The following SPATA7 variants were observed in gnomAD, a reference collection of about 807,000 sequenced individuals.
SPATA7 encodes the protein spermatogenesis-associated protein 7.
A neutral mutation model predicts 51.8 loss-of-function variants in SPATA7; 43 were observed. The observed-to-expected ratio is 0.83, with a 90% CI of 0.65 to 1.07. SPATA7 has a LOEUF of 1.07. Ranked by LOEUF, SPATA7 falls within the 50% of genes least tolerant of loss-of-function variation. SPATA7 has a pLI of 0.00. For synonymous variants in SPATA7, 230 were observed against 252.8 expected (o/e 0.91, Z 0.86); for missense variants, 683 against 701.3 (o/e 0.97, Z 0.30).
intron 3 of SPATA7, among the ~76,000 whole-genome samples, chr14:88,445,881 G>A (rs993034640): frequency 1.1e-4 from 17 of 152,118 alleles, no homozygotes; most frequent in South Asian, 4.2e-4. Context: ...TGCTGGATTC[G>A]GTTTGCCAGT....
At chr14:88,387,991 AG>A (rs1183991993) in intron 1 of SPATA7, among the ~76,000 whole-genome samples, 1 of 152,166 alleles carries the variant, frequency 6.6e-6, no homozygotes, top group East Asian at 1.9e-4. Context: ...ACTTGAGGTC[AG>A]GAGTTTGAGA....
In SPATA7 at chr14:88,385,756, C is replaced by T. The variant is rs1338608083; in HGVS notation, c.-63C>T. ...AGTCCTCCACTGCCGGGGCTGGGCCCGGCCGCGGGAAGGACCGAAGGGGAT... is the reference window on the plus strand; with the variant it reads ...AGTCCTCCACTGCCGGGGCTGGGCCTGGCCGCGGGAAGGACCGAAGGGGAT... On this transcript the variant is annotated 5_prime_UTR_variant, in exon 1 of 12. Transcript: ENST00000393545. 6.5e-7 allele frequency: 1 copy of T among 1,531,708 alleles called. No homozygotes were observed. Among genetic ancestry groups the T allele is most frequent in the Non-Finnish European group, 8.9e-7 (1 of 1,118,464 alleles). 94.9% of individuals were successfully genotyped at this position (1,531,708 alleles called of 1,614,324 possible). A position where few individuals can be genotyped will look rare whatever the true frequency, so the allele number is the denominator to read the frequency against.
chr14:88,466,449 T>C (rs1208861344), intron 4 of SPATA7: 3 of 152,126 alleles, frequency 2.0e-5, no homozygotes. Flanking sequence ...AACATACATG[T>C]AGTGCTCAAG....
intron 10 of SPATA7, among the ~76,000 whole-genome samples, chr14:88,433,920 C>G (rs896309325): frequency 6.6e-6 from 1 of 152,026 alleles, no homozygotes; most frequent in Non-Finnish European, 1.5e-5. Context: ...AAAGGCATAT[C>G]AAAAAGACCT....
At position 88,393,586 on chromosome 14, in the gene SPATA7, A is replaced by G. The variant is rs577949685; in HGVS notation, c.190+98A>G. 160 of 890,690 alleles carry G rather than the reference A, an allele frequency of 1.8e-4. No homozygotes were observed. The African/African-American group carries it at 2.5e-3, about 14-fold the overall frequency. The allele number at this position is 890,690 out of a possible 1,614,324, so 55.2% of individuals were successfully genotyped here. On this transcript the variant is annotated intron_variant, in intron 3 of 11. Transcript: ENST00000393545. ...TATAGCAAAAATGAATACCTTATAT[A>G]TATGAGAGGATTTGTATTTGTTTGG... is the stretch of plus-strand genomic sequence containing the variant.
At chr14:88,447,979 C>T (rs2077226044) in intron 3 of SPATA7, among the ~76,000 whole-genome samples, 1 of 151,282 alleles carries the variant, frequency 6.6e-6, no homozygotes, top group Non-Finnish European at 1.5e-5. Flanking sequence ...TTGCTCTTCT[C>T]GAGGAGTATC....
chr14:88,468,235 G>A (rs138228087), intron 4 of SPATA7: 1 of 1,610,212 alleles, frequency 6.2e-7, no homozygotes, highest in Non-Finnish European at 8.5e-7. Context: ...TGTTGCCTCA[G>A]CATGTCCAGC....
At position 88,469,889 on chromosome 14, in the gene SPATA7, T is replaced by C. The variant is rs886282979; in HGVS notation, c.*22T>C. Reference sequence around the variant, plus strand: ...TTAACATTAACTGTTCTTCAGAGGCTGAGAAAATCACTTAAGAGAAATAAG... The same window carrying C: ...TTAACATTAACTGTTCTTCAGAGGCCGAGAAAATCACTTAAGAGAAATAAG... On this transcript the variant is annotated 3_prime_UTR_variant, in exon 5 of 5. Transcript: ENST00000556406. This position sits in a 1 kb window ranked among gnomAD's most constrained non-coding sequence, Gnocchi z 4.3. The C allele has an allele frequency of 8.1e-6, 13 of 1,613,026 alleles. No homozygotes were observed. The highest frequency in any genetic ancestry group is 1.1e-5 in the Non-Finnish European group (13 of 1,179,272).
chr14:88,470,049 A>C, exon 5 of SPATA7: 1 of 1,612,502 alleles, frequency 6.2e-7, no homozygotes, highest in Non-Finnish European at 8.5e-7. Flanking sequence ...ACTGACAGAG[A>C]CCTGGGATTA....
At chr14:88,438,474 C>T (rs771068949), downstream of SPATA7, 2 of 1,367,402 alleles carry the variant, frequency 1.5e-6, no homozygotes, top group African/African-American at 2.9e-5. Context: ...TACTTTTCTT[C>T]CTTTTTTAAA....
chr14:88,462,819 A>T (rs944350633), intron 4 of SPATA7, among the ~76,000 whole-genome samples: 6 of 152,234 alleles, frequency 3.9e-5, no homozygotes, highest in Non-Finnish European at 7.3e-5. Flanking sequence ...TTGGAACAGT[A>T]CGCAAGCCAT....
chr14:88,446,842 T>G lies in SPATA7; in HGVS notation c.178-8218T>G, dbSNP rs892073462. Among the ~76,000 whole-genome samples the G allele has an allele frequency of 1.3e-3, 203 of 152,118 alleles. 1 individual carries two copies. The highest frequency in any genetic ancestry group is 4.6e-3 in the African/African-American group (192 of 41,554). ...GTTCTAGTTTGATTGCACTGTGGTC[T>G]GAGAGATAGTTTGTTATAATTTCTG... On this transcript the variant is annotated intron_variant, in intron 3 of 3. Transcript: ENST00000554802.
rs544356302 is a variant in SPATA7 at position 88,418,543 on chromosome 14, C to T, written c.372+1699C>T. Among the ~76,000 whole-genome samples, 10 of 151,556 alleles carry T rather than the reference C, an allele frequency of 6.6e-5. No homozygotes were observed. In the South Asian group the frequency reaches 1.0e-3, roughly 16 times the overall value. On this transcript the variant is annotated intron_variant, in intron 5 of 11. Transcript: ENST00000393545. ...AGGCTGGCATGCAGTAGTGTGATCT[C>T]GGCTCACTGCAACCTCCGCCTCCTG...
chr14:88,466,872 C>G (rs1428310704), intron 4 of SPATA7: 1 of 152,238 alleles, frequency 6.6e-6, no homozygotes, highest in Non-Finnish European at 1.5e-5. Flanking sequence ...CTATTATTAA[C>G]TATTCCCTTC....
At chr14:88,467,861 C>T (rs1002515907) in intron 4 of SPATA7, 41 of 400,082 alleles carry the variant, frequency 1.0e-4, no homozygotes, top group Middle Eastern at 7.0e-4. Context: ...ATACAATCTC[C>T]AAAATGTGTG....
intron 2 of SPATA7, 72 bp downstream of exon 2, chr14:88,391,527 T>C: frequency 2.4e-6 from 3 of 1,238,854 alleles, no homozygotes; most frequent in Admixed American, 1.8e-5. Context: ...GCAAATTATA[T>C]GACATGATGG....
chr14:88,428,391 C>T (rs980808097), intron 7 of SPATA7: 1 of 152,114 alleles, frequency 6.6e-6, no homozygotes, highest in Non-Finnish European at 1.5e-5. Flanking sequence ...TACTCAACTT[C>T]CCCCTTCCCT....
intron 5 of SPATA7, among the ~76,000 whole-genome samples, chr14:88,425,759 T>C (rs992518423): frequency 3.3e-5 from 5 of 152,146 alleles, no homozygotes; most frequent in African/African-American, 4.8e-5. Context: ...CAGGGCTCCA[T>C]ACATTATGAG....
intron 5 of SPATA7, among the ~76,000 whole-genome samples, chr14:88,424,375 A>G (rs780370892): frequency 2.6e-5 from 4 of 152,210 alleles, no homozygotes; most frequent in Admixed American, 1.3e-4. Flanking sequence ...GAAAAGTTTC[A>G]TGCTTTCTAT....
Sources: allele counts gnomAD v4.1 joint callset (sites outside exome capture counted in the v4.1 genomes callset), GRCh38; gene constraint gnomAD v4.1.1; non-coding constraint Gnocchi (gnomAD v3.1); transcripts MANE v1.5; gene names NCBI Gene and HGNC (gene_info 2026-07-23, HGNC 2026-07-21).